Variants in GNAO1 observed in about 807,000 individuals in gnomAD.
GNAO1 encodes the protein guanine nucleotide-binding protein G(o) subunit alpha.
For missense variants in GNAO1, 166 were observed against 478.7 expected, an observed-to-expected ratio of 0.35 and a Z score of 6.10; for synonymous variants, 164 against 180.7, an observed-to-expected ratio of 0.91 and a Z score of 0.74.
chr16:56,224,459 A>G (rs1205102569), intron 2 of GNAO1, among the ~76,000 whole-genome samples: 1 of 152,084 alleles, frequency 6.6e-6, no homozygotes, highest in East Asian at 1.9e-4. Context: ...CATGGCATAG[A>G]TGGGGGACTG....
At chr16:56,292,708 A>G (rs1189191929) in intron 3 of GNAO1, among the ~76,000 whole-genome samples, 1 of 152,230 alleles carries the variant, frequency 6.6e-6, no homozygotes, top group Non-Finnish European at 1.5e-5. Flanking sequence ...CCTACACAGC[A>G]TGTTCATGGC....
intron 6 of GNAO1, chr16:56,348,201 C>T (rs1292080661): frequency 2.0e-6 from 2 of 984,376 alleles, no homozygotes; most frequent in African/African-American, 1.7e-5. Context: ...GCTTTCCTAG[C>T]GTGAGTGTGA....
intron 2 of GNAO1, among the ~76,000 whole-genome samples, chr16:56,249,285 T>C (rs2036777491): frequency 6.6e-6 from 1 of 152,156 alleles, no homozygotes; most frequent in South Asian, 2.1e-4. Flanking sequence ...GAGTTTTGTT[T>C]GGATTCTCGA....
At chr16:56,348,090 A>G in intron 6 of GNAO1, 1 of 980,098 alleles carries the variant, frequency 1.0e-6, no homozygotes, top group Non-Finnish European at 1.2e-6. Flanking sequence ...TAATTTTGTA[A>G]GAAGAGTGAC....
At chr16:56,267,861 G>T (rs79199128) in intron 2 of GNAO1, among the ~76,000 whole-genome samples, 182 of 152,290 alleles carry the variant, frequency 1.2e-3, no homozygotes, top group African/African-American at 4.3e-3. Context: ...GGGAATCAAT[G>T]AATAGAGATG....
chr16:56,310,080 G>A (rs2037439132), intron 3 of GNAO1, among the ~76,000 whole-genome samples: 1 of 152,088 alleles, frequency 6.6e-6, no homozygotes, highest in Non-Finnish European at 1.5e-5. Flanking sequence ...GGGAGGCCAA[G>A]GCAGGAGGAT....
Position 56,334,874 on chromosome 16 carries a change from C to G in GNAO1, c.593+17C>G. ...CCACTTCAGGTGAGGCCCAGAGAGG[C>G]CCCCAGGCCCTGGCGAGGGCTAAGA... On this transcript the variant is annotated intron_variant, in intron 5 of 8. Coordinates refer to ENST00000262493, the MANE Select transcript of GNAO1 (RefSeq NM_020988.3). 1 of 1,612,890 alleles carries G rather than the reference C, an allele frequency of 6.2e-7. No homozygotes were observed. Among genetic ancestry groups the G allele is most frequent in the Middle Eastern group, 1.7e-4 (1 of 6,056 alleles).
intron 2 of GNAO1, among the ~76,000 whole-genome samples, chr16:56,219,040 A>G (rs1596803359): frequency 6.6e-6 from 1 of 150,416 alleles, no homozygotes. Flanking sequence ...CACCACACCC[A>G]CCCCCCAACC....
chr16:56,233,259 G>A (rs540665012), intron 2 of GNAO1, among the ~76,000 whole-genome samples: 3 of 152,226 alleles, frequency 2.0e-5, no homozygotes, highest in Non-Finnish European at 4.4e-5. Context: ...GCTCTGTGTA[G>A]GCAGTGACTT....
intron 3 of GNAO1, among the ~76,000 whole-genome samples, chr16:56,304,377 T>G (rs1306068868): frequency 1.3e-5 from 2 of 152,256 alleles, no homozygotes; most frequent in African/African-American, 4.8e-5. Flanking sequence ...CATCATTTAT[T>G]CAGCAGGTCC....
intron 3 of GNAO1, among the ~76,000 whole-genome samples, chr16:56,313,100 TATC>T (rs1274011324): frequency 6.6e-6 from 1 of 152,238 alleles, no homozygotes; most frequent in Non-Finnish European, 1.5e-5. Flanking sequence ...GTTCTTCACT[TATC>T]ATAGGGATAT....
At chr16:56,283,751 G>A (rs760839166) in intron 3 of GNAO1, among the ~76,000 whole-genome samples, 18 of 152,264 alleles carry the variant, frequency 1.2e-4, no homozygotes, top group Middle Eastern at 3.4e-3. Flanking sequence ...GCCCAAACAC[G>A]AGGCCAGGAA....
chr16:56,351,536 A>G lies in GNAO1; in HGVS notation c.876A>G (p.Thr292=). 1 of 1,611,132 alleles carries G rather than the reference A, an allele frequency of 6.2e-7. No individual in the cohort carries two copies. Among genetic ancestry groups the G allele is most frequent in the Non-Finnish European group, 8.5e-7 (1 of 1,178,900 alleles). ...TGACCATCTGCTTTCCTGAATACAC[A>G]GGTGGGTGCCAGGCAGTCCTGTGCA... ...SPLTICFPEY[T]GPNTYEDAAA... is the part of the protein sequence containing the mutation. The change falls in exon 7 of 9, where the codon ACA becomes ACG. Residue 292 remains threonine, a splice_region_variant and synonymous_variant. Coordinates refer to ENST00000262493, the MANE Select transcript of GNAO1 (RefSeq NM_020988.3). This position sits in a 1 kb window ranked among gnomAD's most constrained non-coding sequence, Gnocchi z 6.1.
At chr16:56,289,793 A>T (rs1028652997) in intron 3 of GNAO1, among the ~76,000 whole-genome samples, 5 of 152,144 alleles carry the variant, frequency 3.3e-5, no homozygotes, top group Non-Finnish European at 7.4e-5. Flanking sequence ...AACCCAGAGC[A>T]CATAAACAAG....
At chr16:56,242,712 CAT>C (rs1596816950) in intron 2 of GNAO1, among the ~76,000 whole-genome samples, 2 of 152,170 alleles carry the variant, frequency 1.3e-5, no homozygotes, top group African/African-American at 4.8e-5. Flanking sequence ...AAAACTAAAA[CAT>C]AGGGGTAAAT....
At chr16:56,262,835 T>C (rs1486679254) in intron 2 of GNAO1, among the ~76,000 whole-genome samples, 1 of 152,244 alleles carries the variant, frequency 6.6e-6, no homozygotes, top group Non-Finnish European at 1.5e-5. Context: ...GTGCCGCTTT[T>C]ACTGTGTTTA....
rs1398575090 is a variant in GNAO1, at chr16:56,354,424, C to G, written c.878-442C>G. ...GGCGTGGTGGCTCACGTCTGTAATC[C>G]CAGCACTTTGGGAGGCCGAGGCAGG... is the stretch of plus-strand genomic sequence containing the variant. On this transcript the variant is annotated intron_variant, in intron 7 of 8. Transcript: ENST00000262493. This position sits in a 1 kb window ranked among gnomAD's most constrained non-coding sequence, Gnocchi z 4.3. Among the ~76,000 whole-genome samples the G allele has an allele frequency of 2.0e-5, 3 of 152,206 alleles. No homozygotes were observed. The highest frequency in any genetic ancestry group is 7.2e-5 in the African/African-American group (3 of 41,442).
intron 6 of GNAO1, chr16:56,341,081 ACT>A (rs1426091388): frequency 1.7e-5 from 17 of 981,700 alleles, no homozygotes; most frequent in Non-Finnish European, 2.5e-5. Context: ...GATGCCCCTG[ACT>A]CTGCCACAGA....
At chr16:56,293,404 G>C (rs1162932584) in intron 3 of GNAO1, among the ~76,000 whole-genome samples, 1 of 152,148 alleles carries the variant, frequency 6.6e-6, no homozygotes. Flanking sequence ...TCATTTCTTG[G>C]TGGCTATGGT....
Sources: allele counts gnomAD v4.1 joint callset (sites outside exome capture counted in the v4.1 genomes callset), GRCh38; gene constraint gnomAD v4.1.1; non-coding constraint Gnocchi (gnomAD v3.1); transcripts MANE v1.5; gene names NCBI Gene and HGNC (gene_info 2026-07-23, HGNC 2026-07-21).